The following DTNB variants were observed in gnomAD, a reference collection of about 807,000 sequenced individuals.
DTNB encodes the protein dystrobrevin beta, also known as DTN-B.
DTNB carries 63 observed loss-of-function variants against 90.7 expected under a neutral mutation model. The ratio of observed to expected loss-of-function variants is 0.69; its 90% CI spans 0.57 to 0.86. DTNB has a LOEUF of 0.86. DTNB is among the 40% of genes least tolerant of loss of function. DTNB has a pLI of 0.00. For synonymous variants in DTNB, 277 were observed against 286.7 expected (o/e 0.97, Z 0.34); for missense variants, 744 against 807.1 (o/e 0.92, Z 0.95).
chr2:25,652,751 C>A, intron 1 of DTNB, 90 bp from the exon 2 acceptor site: 1 of 1,371,334 alleles, frequency 7.3e-7, no homozygotes, highest in Non-Finnish European at 9.8e-7. Flanking sequence ...GGACCGGAAA[C>A]CAAGTTGCAA....
At chr2:25,511,836 AC>A (rs2074011826) in intron 9 of DTNB, among the ~76,000 whole-genome samples, 3 of 152,188 alleles carry the variant, frequency 2.0e-5, no homozygotes, top group Admixed American at 1.3e-4. Flanking sequence ...GATAAACTGG[AC>A]ACAGGAAATG....
chr2:25,638,357 T>TA (rs1306272588), intron 3 of DTNB, among the ~76,000 whole-genome samples: 2 of 152,148 alleles, frequency 1.3e-5, no homozygotes, highest in African/African-American at 4.8e-5. Context: ...TAAAGTATAA[T>TA]AAAAAATAAA....
chr2:25,613,985 A>G (rs1458677018), intron 4 of DTNB, among the ~76,000 whole-genome samples: 1 of 152,050 alleles, frequency 6.6e-6, no homozygotes, highest in Non-Finnish European at 1.5e-5. Context: ...AAGGACAAAA[A>G]TCACAACCCA....
intron 9 of DTNB, among the ~76,000 whole-genome samples, chr2:25,526,869 T>C (rs2077287154): frequency 6.6e-6 from 1 of 152,144 alleles, no homozygotes; most frequent in South Asian, 2.1e-4. Flanking sequence ...ACAAATAAAA[T>C]GGTGGAAAAA....
At chr2:25,389,930 C>T (rs1214282458) in intron 16 of DTNB, among the ~76,000 whole-genome samples, 2 of 151,026 alleles carry the variant, frequency 1.3e-5, no homozygotes, top group African/African-American at 2.4e-5. Context: ...CTAAAAAGTA[C>T]AACATAATTA....
intron 10 of DTNB, among the ~76,000 whole-genome samples, chr2:25,462,173 G>T (rs1039989873): frequency 2.6e-5 from 4 of 152,210 alleles, no homozygotes; most frequent in Non-Finnish European, 4.4e-5. Flanking sequence ...TGCGCTAGCT[G>T]CATTCCAGTG....
intron 16 of DTNB, among the ~76,000 whole-genome samples, chr2:25,415,818 T>A (rs2047774837): frequency 6.6e-6 from 1 of 152,198 alleles, no homozygotes; most frequent in Admixed American, 6.5e-5. Context: ...CTGAAGCTCC[T>A]GGACCCTTCT....
At chr2:25,379,896 A>G (rs1381730589) in intron 19 of DTNB, 2 of 152,614 alleles carry the variant, frequency 1.3e-5, no homozygotes, top group Non-Finnish European at 2.9e-5. Context: ...GGAGCATAAC[A>G]TGAGGCTGTG....
At chr2:25,673,072 T>C (rs972585399) in intron 1 of DTNB, 1 of 152,102 alleles carries the variant, frequency 6.6e-6, no homozygotes, top group African/African-American at 2.4e-5. Context: ...TCGGGCAGCA[T>C]CAGCCCGGCG....
chr2:25,450,580 T>TA (rs1178841705), intron 12 of DTNB, among the ~76,000 whole-genome samples: 1 of 152,218 alleles, frequency 6.6e-6, no homozygotes, highest in African/African-American at 2.4e-5. Flanking sequence ...CTAATTTCTA[T>TA]AAAAAAGCCT....
chr2:25,418,618 G>C (rs1401498781), intron 16 of DTNB, among the ~76,000 whole-genome samples: 9 of 151,532 alleles, frequency 5.9e-5, no homozygotes, highest in Non-Finnish European at 1.3e-4. Flanking sequence ...AGAATTACTT[G>C]AACTTGGGAG....
chr2:25,612,245 G>GA (rs1559231161), intron 4 of DTNB, among the ~76,000 whole-genome samples: 1 of 151,850 alleles, frequency 6.6e-6, no homozygotes, highest in African/African-American at 2.4e-5. Context: ...AGACTAAGGG[G>GA]AAAAAAGCAA....
At chr2:25,414,121 G>A (rs2047286125) in intron 16 of DTNB, among the ~76,000 whole-genome samples, 1 of 152,114 alleles carries the variant, frequency 6.6e-6, no homozygotes, top group Admixed American at 6.6e-5. Flanking sequence ...ACTTTTTGAT[G>A]GGGTTATTTT....
At chr2:25,494,500 G>A (rs2068352971) in intron 9 of DTNB, among the ~76,000 whole-genome samples, 1 of 150,436 alleles carries the variant, frequency 6.6e-6, no homozygotes, top group African/African-American at 2.5e-5. Context: ...TGCGGGGGTG[G>A]TTGGGAGAGG....
chr2:25,620,944 T>C (rs574689105), intron 4 of DTNB, among the ~76,000 whole-genome samples: 1 of 152,300 alleles, frequency 6.6e-6, no homozygotes, highest in South Asian at 2.1e-4. Flanking sequence ...GGAGAACTGC[T>C]TGAGCCCAGG....
At chr2:25,490,622 G>C (rs2067192065) in intron 9 of DTNB, among the ~76,000 whole-genome samples, 1 of 151,994 alleles carries the variant, frequency 6.6e-6, no homozygotes. Flanking sequence ...TCAAATATAA[G>C]GAAAGGAAAA....
chr2:25,433,027 G>C (rs1291522270), intron 13 of DTNB, 28 bp from the exon 14 acceptor site: 24 of 1,562,292 alleles, frequency 1.5e-5, no homozygotes, highest in Non-Finnish European at 1.9e-5. Flanking sequence ...ACGGAAAGGG[G>C]CTGCACAGTG....
At chr2:25,442,026 G>A (rs1440159669) in intron 12 of DTNB, among the ~76,000 whole-genome samples, 1 of 152,118 alleles carries the variant, frequency 6.6e-6, no homozygotes, top group Non-Finnish European at 1.5e-5. Context: ...GAAAACTTCA[G>A]GGTTCAGATT....
chr2:25,639,178 G>A, intron 2 of DTNB, 84 bp from the exon 3 acceptor site: 1 of 1,328,716 alleles, frequency 7.5e-7, no homozygotes, highest in Non-Finnish European at 1.0e-6. Flanking sequence ...CTATTGTATT[G>A]TCATAGTATA....
Sources: gnomAD v4.1 joint callset for allele counts (sites outside exome capture counted in the v4.1 genomes callset) on GRCh38, gnomAD v4.1.1 for gene constraint, MANE v1.5 for transcripts, NCBI Gene and HGNC (gene_info 2026-07-23, HGNC 2026-07-21) for gene names.